Variants in PTPRD observed in about 807,000 individuals in gnomAD.
PTPRD encodes receptor-type tyrosine-protein phosphatase delta.
PTPRD carries 34 observed loss-of-function variants against 214.5 expected under a neutral mutation model. The ratio of observed to expected loss-of-function variants is 0.16; its 90% confidence interval spans 0.12 to 0.21. The LOEUF (loss-of-function observed/expected upper bound fraction) is 0.21, where lower values mean the gene tolerates loss of function less well. Among genes scored for constraint, PTPRD ranks in the 10% least tolerant of loss-of-function variants. The probability of loss-of-function intolerance (pLI) is 1.00; values close to 1 mark genes in which losing one functional copy is unlikely to be tolerated. For missense variants in PTPRD, 2,545 were observed against 2,398.7 expected (o/e 1.06, Z -1.27); for synonymous variants, 1,128 against 845.7 (o/e 1.33, Z -5.79).
intron 14 of PTPRD, among the ~76,000 whole-genome samples, chr9:8,601,058 G>A (rs1436843525): frequency 2.6e-5 from 4 of 152,084 alleles, no homozygotes; most frequent in Admixed American, 6.5e-5. Context: ...GCAGCCACAA[G>A]CTGACTGAAG....
rs116464277 is a variant in PTPRD at position 9,888,536 on chromosome 9, T to C, written c.-368+49971A>G. Among the ~76,000 whole-genome samples the C allele has an allele frequency of 6.1e-3, 933 of 152,234 alleles. 14 individuals carry two copies. Among genetic ancestry groups the C allele is most frequent in the African/African-American group, 0.021 (867 of 41,558 alleles). On this transcript the variant is annotated intron_variant, in intron 5 of 45. Transcript: ENST00000381196. ...TGTCCTCAAAGTAATGAGTGAGATC[T>C]AGCTCTATGAACGAGCTCCTGGGAG...
chr9:9,151,130 T>G (rs1310382143), intron 10 of PTPRD, among the ~76,000 whole-genome samples: 1 of 152,222 alleles, frequency 6.6e-6, no homozygotes, highest in Admixed American at 6.5e-5. Flanking sequence ...ATTCCCATCA[T>G]CCCCTTCAAA....
At chr9:8,358,807 C>A (rs1216466250) in intron 39 of PTPRD, among the ~76,000 whole-genome samples, 1 of 151,540 alleles carries the variant, frequency 6.6e-6, no homozygotes, top group Non-Finnish European at 1.5e-5. Context: ...TTTAAATCCT[C>A]TCAGGAAAAA....
chr9:8,553,238 A>G (rs1273416319), intron 14 of PTPRD, among the ~76,000 whole-genome samples: 1 of 152,210 alleles, frequency 6.6e-6, no homozygotes, highest in Non-Finnish European at 1.5e-5. Flanking sequence ...AGTTTTTGTT[A>G]AACTGTGCCT....
intron 6 of PTPRD, among the ~76,000 whole-genome samples, chr9:9,765,676 T>A (rs2098700797): frequency 6.6e-6 from 1 of 152,240 alleles, no homozygotes; most frequent in Non-Finnish European, 1.5e-5. Context: ...TTTATTTATT[T>A]TTGAGACGGA....
At chr9:10,343,697 T>C (rs1402357604) in intron 2 of PTPRD, among the ~76,000 whole-genome samples, 5 of 152,138 alleles carry the variant, frequency 3.3e-5, no homozygotes, top group Non-Finnish European at 5.9e-5. Context: ...TATCTCACTG[T>C]GGTTTTCATT....
chr9:9,714,835 T>C (rs1172216757), intron 7 of PTPRD, among the ~76,000 whole-genome samples: 1 of 152,158 alleles, frequency 6.6e-6, no homozygotes, highest in Non-Finnish European at 1.5e-5. Context: ...GGGTAGATGC[T>C]CAATATTCCT....
chr9:8,324,101 A>ATTT (rs200231613), intron 44 of PTPRD, among the ~76,000 whole-genome samples: 3 of 145,444 alleles, frequency 2.1e-5, no homozygotes, highest in African/African-American at 7.6e-5. Flanking sequence ...GATGATTAGC[A>ATTT]TTTTTTTTTT....
chr9:9,980,386 T>C (rs1234999306), intron 4 of PTPRD, among the ~76,000 whole-genome samples: 3 of 151,616 alleles, frequency 2.0e-5, no homozygotes, highest in Admixed American at 6.6e-5. Flanking sequence ...GGTGGGCGGA[T>C]CACCTGAGGT....
intron 30 of PTPRD, among the ~76,000 whole-genome samples, chr9:8,473,310 C>T (rs735700): frequency 0.073 from 11,038 of 152,142 alleles, 1,208 homozygotes; most frequent in African/African-American, 0.24. Flanking sequence ...GGCTTCTCTG[C>T]GTATGACAGA....
chr9:9,648,300 A>C (rs2154370982), intron 7 of PTPRD, among the ~76,000 whole-genome samples: 1 of 152,270 alleles, frequency 6.6e-6, no homozygotes. Flanking sequence ...TGGAAGGTGC[A>C]GGGACTTTCC....
At chr9:9,386,645 A>C (rs1004085084) in intron 9 of PTPRD, among the ~76,000 whole-genome samples, 7 of 152,208 alleles carry the variant, frequency 4.6e-5, no homozygotes, top group African/African-American at 1.4e-4. Flanking sequence ...ATGAGGAAAA[A>C]TTAAAATATT....
At position 8,937,625 on chromosome 9, in the gene PTPRD, T is replaced by C. The variant is rs75371921; in HGVS notation, c.-104+81072A>G. On this transcript the variant is annotated intron_variant, in intron 11 of 45. Transcript: ENST00000381196. Reference sequence around the variant, plus strand: ...TTTGCATTGCAGCTTGGAATGTTTTTCTCTAACCTTGACTTTTTCACCCTT... The same window carrying C: ...TTTGCATTGCAGCTTGGAATGTTTTCCTCTAACCTTGACTTTTTCACCCTT... Among the ~76,000 whole-genome samples the C allele has an allele frequency of 2.0e-3, 303 of 152,302 alleles. 3 individuals are homozygous for C. The highest frequency in any genetic ancestry group is 7.1e-3 in the African/African-American group (294 of 41,574).
At position 8,912,775 on chromosome 9, in the gene PTPRD, T is replaced by C. The variant is rs565531550; in HGVS notation, c.-104+105922A>G. On this transcript the variant is annotated intron_variant, in intron 11 of 45. Coordinates refer to ENST00000381196, the MANE Select transcript of PTPRD (RefSeq NM_002839.4). ...ATGGAAATTAAGTGTGGAGCTAAAT[T>C]ATCTGAGTTGAACTTTTGGCTTGTT... Among the ~76,000 whole-genome samples the C allele has an allele frequency of 3.1e-3, 465 of 152,290 alleles. 1 individual carries two copies. Among genetic ancestry groups the C allele is most frequent in the African/African-American group, 0.01 (422 of 41,578 alleles).
At position 9,819,967 on chromosome 9, in the gene PTPRD, T is replaced by A. The variant is rs184359361; in HGVS notation, c.-367-53116A>T. On this transcript the variant is annotated intron_variant, in intron 5 of 45. Transcript: ENST00000381196. ...ACTGCAATGAAAATGCGAGTACGTG[T>A]CTTTTTGGTAGAACAGTTTGCTTTG... 2.7e-3 allele frequency among the ~76,000 whole-genome samples: 409 copies of A among 152,262 alleles called. 2 individuals carry two copies. Among genetic ancestry groups the A allele is most frequent in the African/African-American group, 9.2e-3 (384 of 41,546 alleles).
At chr9:9,460,136 T>C (rs762412871) in intron 8 of PTPRD, among the ~76,000 whole-genome samples, 1 of 152,030 alleles carries the variant, frequency 6.6e-6, no homozygotes, top group African/African-American at 2.4e-5. Flanking sequence ...AACACCTGGC[T>C]AGCTATATGA....
chr9:9,988,050 T>G (rs2095784478), intron 4 of PTPRD, among the ~76,000 whole-genome samples: 1 of 152,186 alleles, frequency 6.6e-6, no homozygotes, highest in Non-Finnish European at 1.5e-5. Context: ...TGTCTGCTTT[T>G]AAACAGGTGT....
chr9:8,654,659 T>G (rs903545509), intron 12 of PTPRD, among the ~76,000 whole-genome samples: 1 of 152,158 alleles, frequency 6.6e-6, no homozygotes, highest in Admixed American at 6.5e-5. Context: ...GAAACTTAAA[T>G]GTATTTTCAA....
At chr9:9,182,075 G>C (rs1286993094) in intron 10 of PTPRD, among the ~76,000 whole-genome samples, 3 of 152,008 alleles carry the variant, frequency 2.0e-5, no homozygotes, top group Non-Finnish European at 4.4e-5. Context: ...AAAGCTTTTT[G>C]GGGAAGGTAA....
Sources: gnomAD v4.1 joint callset for allele counts (sites outside exome capture counted in the v4.1 genomes callset) on GRCh38, gnomAD v4.1.1 for gene constraint, MANE v1.5 for transcripts, NCBI Gene and HGNC (gene_info 2026-07-23, HGNC 2026-07-21) for gene names.